MYT1L: variants seen among roughly 807,000 people sequenced by gnomAD.
MYT1L encodes the protein myelin transcription factor 1 like.
MYT1L carries 12 observed loss-of-function variants against 126.7 expected under a neutral mutation model. The observed-to-expected ratio is 0.09, with a 90% confidence interval of 0.06 to 0.15. The LOEUF (loss-of-function observed/expected upper bound fraction) is 0.15, where lower values mean the gene tolerates loss of function less well. Ranked by LOEUF, MYT1L falls within the 10% of genes least tolerant of loss-of-function variation. MYT1L has a pLI of 1.00. For synonymous variants in MYT1L, 541 were observed against 604.2 expected (o/e 0.90, Z 1.53); for missense variants, 979 against 1,585.2 (o/e 0.62, Z 6.49).
At chr2:2,106,699 C>T (rs187144973) in intron 3 of MYT1L, among the ~76,000 whole-genome samples, 4 of 152,326 alleles carry the variant, frequency 2.6e-5, no homozygotes, top group Non-Finnish European at 4.4e-5. Context: ...AACACCATGA[C>T]TTGAACACCA....
At chr2:2,154,594 G>C (rs562904053) in intron 3 of MYT1L, among the ~76,000 whole-genome samples, 1 of 152,152 alleles carries the variant, frequency 6.6e-6, no homozygotes, top group Admixed American at 6.6e-5. Context: ...ACCAAATACC[G>C]CATGTTCTCA....
At position 2,302,810 on chromosome 2, in the gene MYT1L, A is replaced by G. The variant is rs544725181; in HGVS notation, c.-520-18307T>C. 1.7e-4 allele frequency among the ~76,000 whole-genome samples: 26 copies of G among 152,314 alleles called. 1 individual carries two copies. The South Asian group carries it at 5.2e-3, about 30-fold the overall frequency. Reference sequence around the variant, plus strand: ...TGTGCAGTAATGGTTTGATGCGTGAACAAAGTCCTTGAGAGGGGCCAGTTG... The same window carrying G: ...TGTGCAGTAATGGTTTGATGCGTGAGCAAAGTCCTTGAGAGGGGCCAGTTG... On this transcript the variant is annotated intron_variant, in intron 1 of 24. Transcript: ENST00000647738.
At chr2:1,823,268 A>G (rs11127315) in intron 21 of MYT1L, among the ~76,000 whole-genome samples, 51,907 of 151,998 alleles carry the variant, frequency 0.34, 9,760 homozygotes, top group East Asian at 0.65. Context: ...TGGTTGTGGT[A>G]GTGAGGGCTG....
At chr2:2,118,062 T>C (rs1031335952) in intron 3 of MYT1L, among the ~76,000 whole-genome samples, 1 of 150,554 alleles carries the variant, frequency 6.6e-6, no homozygotes, top group Non-Finnish European at 1.5e-5. Flanking sequence ...TTTTATTCTA[T>C]ATTTATATTC....
chr2:2,159,543 T>G (rs2087456315), intron 3 of MYT1L, among the ~76,000 whole-genome samples: 1 of 151,974 alleles, frequency 6.6e-6, no homozygotes, highest in Non-Finnish European at 1.5e-5. Context: ...GAGCGCGGGC[T>G]GTGTTCAGAC....
intron 21 of MYT1L, among the ~76,000 whole-genome samples, chr2:1,832,484 G>A (rs1467195949): frequency 2.0e-5 from 3 of 152,224 alleles, no homozygotes; most frequent in Non-Finnish European, 4.4e-5. Context: ...TGCTGGGGCT[G>A]GGGCCACCTC....
chr2:2,320,215 C>A (rs2096137582), intron 1 of MYT1L, among the ~76,000 whole-genome samples: 1 of 151,964 alleles, frequency 6.6e-6, no homozygotes, highest in South Asian at 2.1e-4. Flanking sequence ...AGTGTCTTCC[C>A]AGAGTGACGT....
At chr2:2,012,630 G>T (rs1238946812) in intron 4 of MYT1L, among the ~76,000 whole-genome samples, 1 of 152,098 alleles carries the variant, frequency 6.6e-6, no homozygotes, top group Non-Finnish European at 1.5e-5. Flanking sequence ...AATATTCAAC[G>T]GAAAATTCCA....
intron 8 of MYT1L, among the ~76,000 whole-genome samples, chr2:1,952,989 CTTTCT>C (rs74221181): frequency 0.04 from 4,717 of 117,776 alleles, 129 homozygotes; most frequent in Non-Finnish European, 0.06. Flanking sequence ...CTTTCTCTTT[CTTTCT>C]TTTCTTTTCT....
At chr2:2,292,662 C>T (rs1428479630) in intron 1 of MYT1L, among the ~76,000 whole-genome samples, 1 of 152,120 alleles carries the variant, frequency 6.6e-6, no homozygotes, top group Non-Finnish European at 1.5e-5. Flanking sequence ...CCACAAGCCA[C>T]ATTGAGAACA....
In MYT1L at chr2:1,979,408, T is replaced by C. The variant is rs2060430816; in HGVS notation, c.89+113A>G. ...GTCTCGGGGGAATTAATTTCATCAG[T>C]GCAGCAGGGCGTGAGCAAGCTGCCG... On this transcript the variant is annotated intron_variant, in intron 7 of 24. Transcript: ENST00000647738. The surrounding 1 kb of genome is among the most constrained non-coding windows in gnomAD (Gnocchi z 4.0). 4 of 1,178,758 alleles carry C rather than the reference T, an allele frequency of 3.4e-6. No homozygotes were observed. The Admixed American group carries it at 5.1e-5, about 15-fold the overall frequency. 73.0% of individuals were successfully genotyped at this position (1,178,758 alleles called of 1,614,324 possible). A position where few individuals can be genotyped will look rare whatever the true frequency, so the allele number is the denominator to read the frequency against.
At chr2:2,137,264 C>A (rs1434605517) in intron 3 of MYT1L, among the ~76,000 whole-genome samples, 1 of 152,090 alleles carries the variant, frequency 6.6e-6, no homozygotes, top group African/African-American at 2.4e-5. Context: ...GCCATACTGC[C>A]CAAGGTAATT....
chr2:2,041,607 C>T (rs780136596), intron 4 of MYT1L, among the ~76,000 whole-genome samples: 7 of 152,188 alleles, frequency 4.6e-5, no homozygotes, highest in African/African-American at 7.2e-5. Context: ...GGAGGTATCT[C>T]CCTCCCTGCA....
At chr2:1,924,328 A>G (rs910029559) in intron 9 of MYT1L, among the ~76,000 whole-genome samples, 2 of 152,336 alleles carry the variant, frequency 1.3e-5, no homozygotes, top group East Asian at 1.9e-4. Context: ...ATGAGTAATA[A>G]TAAAAGGGTT....
chr2:2,033,668 C>T (rs967323859), intron 4 of MYT1L, among the ~76,000 whole-genome samples: 2 of 152,160 alleles, frequency 1.3e-5, no homozygotes, highest in African/African-American at 4.8e-5. Flanking sequence ...GAGGTCATTA[C>T]ATTCTAATAG....
rs191814371 is a variant in MYT1L, at chr2:1,937,478, C to T, written c.505+5504G>A. On this transcript the variant is annotated intron_variant, in intron 9 of 24. Coordinates refer to ENST00000647738, the MANE Select transcript of MYT1L (RefSeq NM_001303052.2). ...CGTCCGCAGCCATCAGATCGTACGTCGAGAAGGCCCTAACGTCCGCGGCCA... is the reference window on the plus strand; with the variant it reads ...CGTCCGCAGCCATCAGATCGTACGTTGAGAAGGCCCTAACGTCCGCGGCCA... 7.9e-5 allele frequency among the ~76,000 whole-genome samples: 12 copies of T among 151,304 alleles called. No homozygotes were observed. The East Asian group carries it at 1.6e-3, about 20-fold the overall frequency.
At chr2:1,831,221 C>T (rs996011647) in intron 21 of MYT1L, among the ~76,000 whole-genome samples, 1 of 149,688 alleles carries the variant, frequency 6.7e-6, no homozygotes, top group African/African-American at 2.4e-5. Context: ...TGGCTCCCCC[C>T]AGATGGAGCT....
intron 18 of MYT1L, 95 bp from the exon 19 acceptor site, chr2:1,851,798 T>G: frequency 2.6e-6 from 3 of 1,162,642 alleles, no homozygotes; most frequent in Non-Finnish European, 2.6e-6. Context: ...ACTAACTCTA[T>G]TGCTTCACTT....
chr2:1,816,831 C>G (rs535305729), intron 21 of MYT1L: 3 of 152,802 alleles, frequency 2.0e-5, no homozygotes, highest in Admixed American at 2.0e-4. Flanking sequence ...CACTGCCCGG[C>G]TGGGGGCCTG....
Sources: allele counts gnomAD v4.1 joint callset (sites outside exome capture counted in the v4.1 genomes callset), GRCh38; gene constraint gnomAD v4.1.1; non-coding constraint Gnocchi (gnomAD v3.1); transcripts MANE v1.5; gene names NCBI Gene and HGNC (gene_info 2026-07-23, HGNC 2026-07-21).